The following MCC variants were observed in gnomAD, a reference collection of about 807,000 sequenced individuals.
MCC encodes the protein MCC regulator of Wnt signaling pathway.
In MCC, 90 loss-of-function variants were observed where a neutral mutation model predicts 116.2. The observed-to-expected ratio is 0.77, with a 90% CI of 0.65 to 0.92. MCC has a LOEUF of 0.92. Among genes scored for constraint, MCC ranks in the 40% least tolerant of loss-of-function variants. MCC has a pLI of 0.00. For synonymous variants in MCC, 578 were observed against 510.5 expected, an observed-to-expected ratio of 1.13 and a Z score of -1.78; for missense variants, 1,516 against 1,312.2, an observed-to-expected ratio of 1.16 and a Z score of -2.40.
At chr5:113,028,268 T>C (rs997240898) in intron 18 of MCC, among the ~76,000 whole-genome samples, 2 of 152,214 alleles carry the variant, frequency 1.3e-5, no homozygotes, top group Non-Finnish European at 2.9e-5. Flanking sequence ...CAGAAGCAAA[T>C]GTGAGAACCT....
At chr5:113,049,349 A>C (rs1428829424) in intron 15 of MCC, 50 bp from the exon 16 acceptor site, 1 of 1,454,878 alleles carries the variant, frequency 6.9e-7, no homozygotes, top group African/African-American at 1.4e-5. Context: ...ATCTGAGAGC[A>C]GGCCTGGCTG....
intron 3 of MCC, among the ~76,000 whole-genome samples, chr5:113,332,299 C>T (rs940700872): frequency 1.3e-5 from 2 of 151,620 alleles, no homozygotes; most frequent in East Asian, 1.9e-4. Flanking sequence ...CCACCTCAGC[C>T]GCCCAAGCAG....
chr5:113,405,741 A>G (rs1769813474), intron 1 of MCC, among the ~76,000 whole-genome samples: 2 of 152,022 alleles, frequency 1.3e-5, no homozygotes, highest in African/African-American at 4.8e-5. Flanking sequence ...CAGGAATGCG[A>G]GCCTGCAGTG....
intron 14 of MCC, among the ~76,000 whole-genome samples, chr5:113,057,873 G>C (rs1752944612): frequency 6.6e-6 from 1 of 152,214 alleles, no homozygotes; most frequent in East Asian, 1.9e-4. Flanking sequence ...GCATTCTACA[G>C]ACAGGGCTGA....
intron 17 of MCC, among the ~76,000 whole-genome samples, chr5:113,041,553 G>C (rs1295879611): frequency 6.6e-6 from 1 of 152,194 alleles, no homozygotes; most frequent in Non-Finnish European, 1.5e-5. Flanking sequence ...CCAAATGCTT[G>C]GGTCAGATAC....
At chr5:113,422,977 TAA>T (rs1416168786) in intron 1 of MCC, among the ~76,000 whole-genome samples, 1 of 152,208 alleles carries the variant, frequency 6.6e-6, no homozygotes, top group African/African-American at 2.4e-5. Context: ...GCCTACTCAG[TAA>T]AACTTATTTG....
At chr5:113,244,232 AATG>A (rs1385034734) in intron 3 of MCC, among the ~76,000 whole-genome samples, 3 of 152,236 alleles carry the variant, frequency 2.0e-5, no homozygotes, top group Admixed American at 6.5e-5. Flanking sequence ...GGCCTCAGCT[AATG>A]ATATATTTTT....
In MCC at chr5:113,068,135, A is replaced by G. The variant is rs1561775109; in HGVS notation, c.1974T>C (p.Ser658=). 1 of 1,614,046 alleles carries G rather than the reference A, an allele frequency of 6.2e-7. No individual in the cohort carries two copies. Among genetic ancestry groups the G allele is most frequent in the East Asian group, 2.2e-5 (1 of 44,868 alleles). Residue 658 remains serine, a synonymous_variant, in exon 13 of 19, where the codon AGT becomes AGC. Coordinates refer to ENST00000408903, the MANE Select transcript of MCC (RefSeq NM_001085377.2). ...AYELLLALAE[S]EQSLILGQFR... is the part of the protein sequence containing the mutation. ...ACTGCCCCAGGATGAGGCTCTGCTC[A>G]CTCTCTGCCAGCGCCAGGAGGAGTT...
chr5:113,275,914 T>A (rs1765804129), intron 3 of MCC, among the ~76,000 whole-genome samples: 1 of 151,886 alleles, frequency 6.6e-6, no homozygotes, highest in Non-Finnish European at 1.5e-5. Context: ...GGTTATTAAA[T>A]GTTCAAGTGA....
chr5:113,462,480 A>AACAGTACTG (rs1554085574), intron 1 of MCC, among the ~76,000 whole-genome samples: 56 of 152,152 alleles, frequency 3.7e-4, no homozygotes, highest in Middle Eastern at 3.4e-3. Flanking sequence ...AAATGTCATT[A>AACAGTACTG]ACAGTATTGT....
At chr5:113,230,784 T>C (rs1205752690) in intron 3 of MCC, among the ~76,000 whole-genome samples, 1 of 152,208 alleles carries the variant, frequency 6.6e-6, no homozygotes, top group Non-Finnish European at 1.5e-5. Context: ...GCTACATGAC[T>C]ACCTTCACAT....
chr5:113,415,587 G>C (rs1456860195), intron 1 of MCC, among the ~76,000 whole-genome samples: 2 of 152,094 alleles, frequency 1.3e-5, no homozygotes, highest in African/African-American at 4.8e-5. Context: ...CATGCGTCAC[G>C]TAGTTCTCGT....
rs1766519368 is a variant in MCC, at chr5:113,292,085, A to T, written c.627+48434T>A. Among the ~76,000 whole-genome samples the T allele has an allele frequency of 4.6e-5, 7 of 152,128 alleles. No homozygotes were observed. The South Asian group carries it at 1.5e-3, about 32-fold the overall frequency. ...TCTCTACTAAAAATATAAAAAAATT[A>T]GCTGGGCGTAGTGGCACATGCCTGT... is the stretch of plus-strand genomic sequence containing the variant. On this transcript the variant is annotated intron_variant, in intron 3 of 18. Coordinates refer to ENST00000408903, the MANE Select transcript of MCC (RefSeq NM_001085377.2).
intron 2 of MCC, among the ~76,000 whole-genome samples, chr5:113,353,728 A>G (rs1561535229): frequency 6.6e-6 from 1 of 152,248 alleles, no homozygotes; most frequent in South Asian, 2.1e-4. Flanking sequence ...CTGGTCAGTT[A>G]GCAAAGTGCA....
intron 3 of MCC, among the ~76,000 whole-genome samples, chr5:113,231,679 A>T (rs1763945533): frequency 6.6e-6 from 1 of 152,218 alleles, no homozygotes. Context: ...GACAGCTATG[A>T]AAGTTACAAG....
At position 113,079,704 on chromosome 5, in the gene MCC, T is replaced by C. The variant is rs566666493; in HGVS notation, c.1784+3156A>G. ...ATGTTAGACCTAAAACCGTAAAACC[T>C]CTAGAAGAAAACCTAGGCAATACCA... On this transcript the variant is annotated intron_variant, in intron 11 of 18. Transcript: ENST00000408903. Among the ~76,000 whole-genome samples, 86 of 152,210 alleles carry C rather than the reference T, an allele frequency of 5.7e-4. 1 individual carries two copies. In the South Asian group the frequency reaches 0.014, roughly 25 times the overall value.
At chr5:113,261,529 C>T (rs141604469) in intron 3 of MCC, among the ~76,000 whole-genome samples, 80 of 152,206 alleles carry the variant, frequency 5.3e-4, no homozygotes, top group Non-Finnish European at 9.9e-4. Context: ...AACTCGTACC[C>T]AGAGGGCAGG....
At chr5:113,153,150 G>A (rs1330558682) in intron 3 of MCC, among the ~76,000 whole-genome samples, 1 of 152,178 alleles carries the variant, frequency 6.6e-6, no homozygotes, top group East Asian at 1.9e-4. Context: ...GAAAGGATTT[G>A]CCACCTCACC....
At chr5:113,250,985 T>C (rs897352390) in intron 3 of MCC, among the ~76,000 whole-genome samples, 2 of 152,244 alleles carry the variant, frequency 1.3e-5, no homozygotes, top group Non-Finnish European at 2.9e-5. Flanking sequence ...AAAGGATTTA[T>C]ACCTTTTCCT....
Sources: allele counts gnomAD v4.1 joint callset (sites outside exome capture counted in the v4.1 genomes callset), GRCh38; gene constraint gnomAD v4.1.1; transcripts MANE v1.5; gene names NCBI Gene and HGNC (gene_info 2026-07-23, HGNC 2026-07-21).